CD5: variants seen among roughly 807,000 people sequenced by gnomAD.
CD5 encodes CD5 molecule.
In CD5, 36 loss-of-function variants were observed where a neutral mutation model predicts 60.3. The ratio of observed to expected loss-of-function variants is 0.60; its 90% CI spans 0.46 to 0.79. The LOEUF (loss-of-function observed/expected upper bound fraction) is 0.79. Ranked by LOEUF, CD5 falls within the 30% of genes least tolerant of loss-of-function variation. The probability of loss-of-function intolerance (pLI) is 0.00; values close to 1 mark genes in which losing one functional copy is unlikely to be tolerated. For synonymous variants in CD5, 230 were observed against 257.6 expected (o/e 0.89, Z 1.03); for missense variants, 540 against 630.6 (o/e 0.86, Z 1.54).
Position 61,123,908 on chromosome 11 carries a change from G to A in CD5, c.1250G>A (p.Trp417Ter). The A allele has an allele frequency of 1.9e-6, 3 of 1,613,006 alleles. No individual in the cohort carries two copies. The highest frequency in any genetic ancestry group is 2.5e-6 in the Non-Finnish European group (3 of 1,179,614). ...KKFRQKKQRQWIGPTGMNQNM... is the reference protein window; with the variant it reads ...KKFRQKKQRQ Reference sequence around the variant, plus strand: ...GTCCGCCAGAAGAAGCAGCGCCAGTGGATTGGCCCAACGGGAATGAACCAA... The same window carrying A: ...GTCCGCCAGAAGAAGCAGCGCCAGTAGATTGGCCCAACGGGAATGAACCAA... The change falls in exon 8 of 11, where the codon TGG (tryptophan) becomes TAG (stop). Residue 417 changes from tryptophan to a stop codon, truncating the protein, a stop_gained. Coordinates refer to ENST00000347785, the MANE Select transcript of CD5 (RefSeq NM_014207.4). LOFTEE classifies it high-confidence loss of function.
chr11:61,094,577 C>A, the CD5 span, among the ~76,000 whole-genome samples: 1 of 151,998 alleles, frequency 6.6e-6, no homozygotes. Context: ...TTGGTTTTGA[C>A]CTGGCTTGGA....
At chr11:61,101,315 ACACACACATCAACATGGAGATCACATT>A (rs1860680180), upstream of CD5, among the ~76,000 whole-genome samples, 4 of 119,038 alleles carry the variant, frequency 3.4e-5, no homozygotes, top group Non-Finnish European at 7.0e-5. Flanking sequence ...CATGGAGATT[ACACACACATCAACATGGAGATCACATT>A]CACACACATC....
intron 7 of CD5, 72 bp from the exon 8 acceptor site, chr11:61,123,812 T>TTCCCCCCCC: frequency 8.8e-6 from 3 of 339,974 alleles, no homozygotes; most frequent in South Asian, 5.0e-5. Context: ...CCCAGCCCCA[T>TTCCCCCCCC]CCCCACCCCT....
chr11:61,101,096 C>T (rs1477182900), upstream of CD5, among the ~76,000 whole-genome samples: 1 of 100,376 alleles, frequency 1.0e-5, no homozygotes, highest in Admixed American at 1.2e-4. Flanking sequence ...ACATGGAGAT[C>T]ACACACACAC....
the CD5 span, among the ~76,000 whole-genome samples, chr11:61,093,970 G>A: frequency 6.6e-6 from 1 of 152,136 alleles, no homozygotes; most frequent in South Asian, 2.1e-4. Flanking sequence ...CAGGAGTCTT[G>A]CTGATGCTCC....
rs930059786 is a variant in CD5, at chr11:61,118,710, C to T, written c.401-205C>T. Among the ~76,000 whole-genome samples, 1 of 152,224 alleles carries T rather than the reference C, an allele frequency of 6.6e-6. No individual in the cohort carries two copies. The highest frequency in any genetic ancestry group is 1.5e-5 in the Non-Finnish European group (1 of 68,034). On this transcript the variant is annotated intron_variant, in intron 3 of 10. Transcript: ENST00000347785. The surrounding 1 kb of genome is among the most constrained non-coding windows in gnomAD (Gnocchi z 4.7). Reference sequence around the variant, plus strand: ...TTCTGCCAATCACTGACTTCATCGTCGCCTCTGAACCTCCATTCTCCCATC... The same window carrying T: ...TTCTGCCAATCACTGACTTCATCGTTGCCTCTGAACCTCCATTCTCCCATC...
In CD5 at chr11:61,118,993, A is replaced by AC; in HGVS notation, c.463+22dup. ...GAGCCCACAGGTAAGAGGATTCTGA[A>AC]CCCCCCACAGGGAGTCAGAGCTAGC... On this transcript the variant is annotated intron_variant, in intron 4 of 10. Transcript: ENST00000347785. This position sits in a 1 kb window ranked among gnomAD's most constrained non-coding sequence, Gnocchi z 4.7. 8.1e-6 allele frequency: 13 copies of AC among 1,603,012 alleles called. No homozygotes were observed. The highest frequency in any genetic ancestry group is 1.0e-5 in the Non-Finnish European group (12 of 1,171,864).
chr11:61,116,748 CCACA>C (rs1167291800), intron 2 of CD5, among the ~76,000 whole-genome samples: 4 of 112,750 alleles, frequency 3.5e-5, no homozygotes, highest in Non-Finnish European at 7.4e-5. Context: ...ACCACATACA[CCACA>C]CACACACCAC....
At chr11:61,097,201 T>C in the CD5 span, among the ~76,000 whole-genome samples, 558 of 152,298 alleles carry the variant, frequency 3.7e-3, 2 homozygotes, top group Middle Eastern at 0.014. Context: ...TCATGTTATG[T>C]ATGCGGAGGA....
chr11:61,107,243 C>T lies in CD5; in HGVS notation c.55+4628C>T, dbSNP rs148527882. On this transcript the variant is annotated intron_variant, in intron 1 of 10. Coordinates refer to ENST00000347785, the MANE Select transcript of CD5 (RefSeq NM_014207.4). ...CCACCGTGTGGGACCTGAGGAGAAGCGTTGCAGGCAGAGGGGCCTCCAGCT... is the reference window on the plus strand; with the variant it reads ...CCACCGTGTGGGACCTGAGGAGAAGTGTTGCAGGCAGAGGGGCCTCCAGCT... 3.7e-3 allele frequency among the ~76,000 whole-genome samples: 568 copies of T among 152,226 alleles called. 4 individuals are homozygous for T. Among genetic ancestry groups the T allele is most frequent in the Middle Eastern group, 0.014 (4 of 294 alleles).
chr11:61,113,549 G>C (rs1263305619), intron 1 of CD5, among the ~76,000 whole-genome samples: 3 of 152,246 alleles, frequency 2.0e-5, no homozygotes, highest in Non-Finnish European at 4.4e-5. Context: ...CTTTGAGCTT[G>C]GTCTTCTCCA....
upstream of CD5, among the ~76,000 whole-genome samples, chr11:61,100,340 C>T (rs1475205890): frequency 1.4e-5 from 2 of 143,634 alleles, no homozygotes; most frequent in Non-Finnish European, 3.0e-5. Flanking sequence ...ATCACACACA[C>T]ACATCAACAT....
At chr11:61,109,832 T>C (rs1860827949) in intron 1 of CD5, among the ~76,000 whole-genome samples, 1 of 151,744 alleles carries the variant, frequency 6.6e-6, no homozygotes. Context: ...CAAGGGGAGG[T>C]GGGCAGGAGA....
At chr11:61,117,512 G>C (rs1040063755) in intron 2 of CD5, among the ~76,000 whole-genome samples, 1 of 151,190 alleles carries the variant, frequency 6.6e-6, no homozygotes, top group Non-Finnish European at 1.5e-5. Flanking sequence ...TTTTTGAGAT[G>C]GAATCTTGAT....
the CD5 span, among the ~76,000 whole-genome samples, chr11:61,096,344 G>A: frequency 5.9e-5 from 9 of 152,228 alleles, no homozygotes; most frequent in Admixed American, 1.3e-4. Flanking sequence ...GAAGGGGACC[G>A]GGCGCAAGCA....
chr11:61,116,712 ATG>A (rs1565185196), intron 2 of CD5, among the ~76,000 whole-genome samples: 1 of 25,302 alleles, frequency 4.0e-5, no homozygotes. Context: ...CACACACCAC[ATG>A]CACACTATAC....
At position 61,121,844 on chromosome 11, in the gene CD5, C is replaced by A; in HGVS notation, c.1039C>A (p.Leu347Met). The part of the protein sequence containing the change: ...SRGLFCPHQK[L>M]SQCHELWERN... ...GGGGCTCTTCTGTCCCCATCAGAAG[C>A]TGTCCCAGTGCCACGAACTTTGGGA... Residue 347 changes from leucine (L) to methionine (M), a missense_variant, in exon 6 of 11, where the codon CTG becomes ATG. Leu to Met is a conservative substitution (Grantham distance 15). Coordinates refer to ENST00000347785, the MANE Select transcript of CD5 (RefSeq NM_014207.4). 1.3e-6 allele frequency: 2 copies of A among 1,586,388 alleles called. No homozygotes were observed. The highest frequency in any genetic ancestry group is 1.7e-5 in the Admixed American group (1 of 57,914).
In CD5 at chr11:61,106,618, G is replaced by A. The variant is rs534933372; in HGVS notation, c.55+4003G>A. ...GTTTTCCCTGCAGTGACCAGGCGGC[G>A]AATTCAGCTCAACCTGACAAAATTG... On this transcript the variant is annotated intron_variant, in intron 1 of 10. Transcript: ENST00000347785. Among the ~76,000 whole-genome samples, 9 of 152,324 alleles carry A rather than the reference G, an allele frequency of 5.9e-5. No individual in the cohort carries two copies. In the South Asian group the frequency reaches 6.2e-4, roughly 11 times the overall value.
chr11:61,102,444 A>AGCACCCCC, upstream of CD5: 1 of 228,796 alleles, frequency 4.4e-6, no homozygotes, highest in South Asian at 3.3e-5. Flanking sequence ...TCCCCGTCCC[A>AGCACCCCC]CCCCTCCCTG....
Sources: allele counts gnomAD v4.1 joint callset (sites outside exome capture counted in the v4.1 genomes callset), GRCh38; gene constraint gnomAD v4.1.1; non-coding constraint Gnocchi (gnomAD v3.1); transcripts MANE v1.5; gene names NCBI Gene and HGNC (gene_info 2026-07-23, HGNC 2026-07-21).